Variants in JAM3 observed in about 807,000 individuals in gnomAD.
JAM3 encodes junctional adhesion molecule 3.
A neutral mutation model predicts 39.4 loss-of-function variants in JAM3; 31 were observed. The ratio of observed to expected loss-of-function variants is 0.79; its 90% CI spans 0.59 to 1.06. The LOEUF is 1.06. Among genes scored for constraint, JAM3 ranks in the 50% least tolerant of loss-of-function variants. JAM3 has a pLI of 0.00. For missense variants in JAM3, 455 were observed against 391.4 expected (o/e 1.16, Z -1.37); for synonymous variants, 182 against 148.7 (o/e 1.22, Z -1.63).
intron 6 of JAM3, among the ~76,000 whole-genome samples, chr11:134,146,453 C>T (rs1445043398): frequency 6.6e-6 from 1 of 152,096 alleles, no homozygotes; most frequent in Non-Finnish European, 1.5e-5. Context: ...AAAGCTTAGC[C>T]CCTAGAGTAA....
intron 1 of JAM3, among the ~76,000 whole-genome samples, chr11:134,108,262 A>G (rs936445197): frequency 3.3e-5 from 5 of 152,086 alleles, no homozygotes; most frequent in African/African-American, 9.7e-5. Flanking sequence ...TGAATAGCCT[A>G]ACATCTACTT....
chr11:134,146,710 G>A (rs771738979), intron 6 of JAM3, among the ~76,000 whole-genome samples: 41 of 152,282 alleles, frequency 2.7e-4, no homozygotes, highest in Admixed American at 6.5e-4. Flanking sequence ...TGGAACAACA[G>A]GCACACACCA....
Position 134,069,143 on chromosome 11 carries a change from G to C in JAM3, c.60G>C (p.Leu20=), listed in dbSNP as rs761617474. 3 of 1,612,914 alleles carry C rather than the reference G, an allele frequency of 1.9e-6. No homozygotes were observed. Among genetic ancestry groups the C allele is most frequent in the Non-Finnish European group, 2.5e-6 (3 of 1,179,418 alleles). ...RLCARLPDFF[L]LLLFRGCLIG... Reference sequence around the variant, plus strand: ...GCGCTCGGCTGCCTGACTTCTTCCTGCTGCTGCTTTTCAGGGGTGAGTTTG... The same window carrying C: ...GCGCTCGGCTGCCTGACTTCTTCCTCCTGCTGCTTTTCAGGGGTGAGTTTG... Residue 20 remains leucine (L), a synonymous_variant, in exon 1 of 9, where the codon CTG becomes CTC. Transcript: ENST00000299106.
At chr11:134,107,486 AT>A (rs1942216392) in intron 1 of JAM3, among the ~76,000 whole-genome samples, 1 of 152,134 alleles carries the variant, frequency 6.6e-6, no homozygotes, top group Admixed American at 6.5e-5. Context: ...TATAAAAAAT[AT>A]ATATAAATAG....
intron 1 of JAM3, among the ~76,000 whole-genome samples, chr11:134,139,219 G>A (rs1406726391): frequency 6.6e-6 from 1 of 152,216 alleles, no homozygotes; most frequent in African/African-American, 2.4e-5. Flanking sequence ...CATGCAATTA[G>A]TTATCTTGCT....
chr11:134,101,030 T>G (rs1348772570), intron 1 of JAM3, among the ~76,000 whole-genome samples: 2 of 152,232 alleles, frequency 1.3e-5, no homozygotes, highest in Non-Finnish European at 2.9e-5. Context: ...GGATACATGT[T>G]GCTGTGCCTG....
At chr11:134,091,262 G>A (rs1381877330) in intron 1 of JAM3, among the ~76,000 whole-genome samples, 1 of 152,108 alleles carries the variant, frequency 6.6e-6, no homozygotes. Flanking sequence ...TTGGGAGGCC[G>A]AGGTGGGTGG....
chr11:134,132,324 G>A (rs574582351), intron 1 of JAM3, among the ~76,000 whole-genome samples: 3 of 152,250 alleles, frequency 2.0e-5, no homozygotes, highest in South Asian at 4.1e-4. Flanking sequence ...TCTATATCCA[G>A]CAAAACCATC....
chr11:134,140,594 G>A (rs1424960493), intron 2 of JAM3, 63 bp from the exon 3 acceptor site: 2 of 1,333,292 alleles, frequency 1.5e-6, no homozygotes, highest in African/African-American at 2.9e-5. Context: ...CAGGGTCTGG[G>A]TGCAGCTGAA....
intron 1 of JAM3, among the ~76,000 whole-genome samples, chr11:134,129,770 G>A (rs1242100536): frequency 6.6e-6 from 1 of 152,188 alleles, no homozygotes; most frequent in Non-Finnish European, 1.5e-5. Context: ...GGGAGGCCGA[G>A]GTGGGCAGAT....
At chr11:134,070,321 T>G in intron 1 of JAM3, 1 of 421,156 alleles carries the variant, frequency 2.4e-6, no homozygotes, top group African/African-American at 2.1e-5. Flanking sequence ...ATTATTTTAT[T>G]GTTTGAATTG....
intron 1 of JAM3, among the ~76,000 whole-genome samples, chr11:134,090,816 G>A (rs1941834477): frequency 6.6e-6 from 1 of 152,056 alleles, no homozygotes; most frequent in Non-Finnish European, 1.5e-5. Flanking sequence ...TGAAATATTT[G>A]AACTCAGGTA....
intron 1 of JAM3, among the ~76,000 whole-genome samples, chr11:134,133,195 G>GA (rs35630861): frequency 0.037 from 5,572 of 152,230 alleles, 288 homozygotes; most frequent in East Asian, 0.25. Context: ...TTGGTGTGTG[G>GA]AATATGTAGG....
intron 1 of JAM3, among the ~76,000 whole-genome samples, chr11:134,083,891 C>T (rs890574039): frequency 1.3e-5 from 2 of 152,172 alleles, no homozygotes; most frequent in African/African-American, 4.8e-5. Flanking sequence ...AAATGGGGCA[C>T]TTCTTTGCAT....
intron 1 of JAM3, among the ~76,000 whole-genome samples, chr11:134,116,300 T>C (rs1942432205): frequency 6.6e-6 from 1 of 152,230 alleles, no homozygotes; most frequent in Non-Finnish European, 1.5e-5. Flanking sequence ...ATAGCAGTTA[T>C]TACTATGGTG....
chr11:134,071,420 C>T (rs1195775129), intron 1 of JAM3, among the ~76,000 whole-genome samples: 2 of 152,164 alleles, frequency 1.3e-5, no homozygotes, highest in Non-Finnish European at 2.9e-5. Context: ...TTTAATGGAT[C>T]AGTTTAAACA....
intron 1 of JAM3, among the ~76,000 whole-genome samples, chr11:134,116,621 C>G (rs1565494433): frequency 2.0e-5 from 3 of 152,040 alleles, no homozygotes; most frequent in African/African-American, 7.2e-5. Context: ...TGTATTTTCC[C>G]TGTCCTAGAA....
intron 1 of JAM3, among the ~76,000 whole-genome samples, chr11:134,090,658 C>G (rs1941831993): frequency 1.3e-5 from 2 of 152,108 alleles, no homozygotes; most frequent in African/African-American, 4.8e-5. Flanking sequence ...GAGAACATTT[C>G]TAGATTTCAG....
rs537671342 is a variant in JAM3 at position 134,125,358 on chromosome 11, T to A, written c.77-14493T>A. Among the ~76,000 whole-genome samples, 27 of 152,260 alleles carry A rather than the reference T, an allele frequency of 1.8e-4. No homozygotes were observed. The South Asian group carries it at 4.6e-3, about 26-fold the overall frequency. On this transcript the variant is annotated intron_variant, in intron 1 of 8. Transcript: ENST00000299106. ...CCTTGCAGACTCATCCAAGATAGGG[T>A]TTTACTCAAACAATGGGATCTCCTT... is the stretch of plus-strand genomic sequence containing the variant.
Sources: gnomAD v4.1 joint callset for allele counts (sites outside exome capture counted in the v4.1 genomes callset) on GRCh38, gnomAD v4.1.1 for gene constraint, MANE v1.5 for transcripts, NCBI Gene and HGNC (gene_info 2026-07-23, HGNC 2026-07-21) for gene names.